Variants in SYT9 observed in about 807,000 individuals in gnomAD.
The protein encoded by SYT9 is synaptotagmin-9.
In SYT9, 22 loss-of-function variants were observed where a neutral mutation model predicts 48.4. The observed-to-expected ratio is 0.45, with a 90% CI of 0.32 to 0.65. The LOEUF (loss-of-function observed/expected upper bound fraction) is 0.65. SYT9 is among the 30% of genes least tolerant of loss of function. The pLI is 0.03. For synonymous variants in SYT9, 265 were observed against 245.0 expected (o/e 1.08, Z -0.76); for missense variants, 577 against 622.0 (o/e 0.93, Z 0.77).
At chr11:7,359,130 T>A (rs1395987778) in intron 3 of SYT9, among the ~76,000 whole-genome samples, 3 of 142,632 alleles carry the variant, frequency 2.1e-5, no homozygotes, top group Non-Finnish European at 4.6e-5. Context: ...GATAGTTTAC[T>A]GAGAATGATG....
At position 7,309,055 on chromosome 11, in the gene SYT9, A is replaced by G. The variant is rs190054639; in HGVS notation, c.498-4340A>G. On this transcript the variant is annotated intron_variant, in intron 2 of 6. Coordinates refer to ENST00000318881, the MANE Select transcript of SYT9 (RefSeq NM_175733.4). ...TTTTTGAGTTTGTTTTGGGAAATCT[A>G]CTTTGCACATTTTGTTAATTATCTT... 1.2e-3 allele frequency among the ~76,000 whole-genome samples: 178 copies of G among 152,284 alleles called. 1 individual carries two copies. Among genetic ancestry groups the G allele is most frequent in the Non-Finnish European group, 2.1e-3 (143 of 68,026 alleles).
rs1467096081 is a variant in SYT9 at position 7,407,727 on chromosome 11, T to C, written c.1045-8315T>C. On this transcript the variant is annotated intron_variant, in intron 3 of 6. Coordinates refer to ENST00000318881, the MANE Select transcript of SYT9 (RefSeq NM_175733.4). ...GTTTATTTTTGTACATGAGAAGCCA[T>C]AGGTATCCAGTTTCCTTTTTCTGTA... Among the ~76,000 whole-genome samples, 3 of 152,232 alleles carry C rather than the reference T, an allele frequency of 2.0e-5. No homozygotes were observed. In the East Asian group the frequency reaches 5.8e-4, roughly 29 times the overall value.
At chr11:7,254,340 G>A (rs1847927827) in intron 1 of SYT9, among the ~76,000 whole-genome samples, 1 of 152,102 alleles carries the variant, frequency 6.6e-6, no homozygotes, top group Non-Finnish European at 1.5e-5. Flanking sequence ...TCGAGTGCAA[G>A]GTGAGAGGAA....
At chr11:7,340,201 C>A (rs1021837850) in intron 3 of SYT9, among the ~76,000 whole-genome samples, 1 of 152,164 alleles carries the variant, frequency 6.6e-6, no homozygotes, top group African/African-American at 2.4e-5. Flanking sequence ...TGTTTTGCAG[C>A]TCTATCAGGT....
intron 1 of SYT9, among the ~76,000 whole-genome samples, chr11:7,289,207 C>T (rs1455929518): frequency 6.6e-6 from 1 of 152,198 alleles, no homozygotes; most frequent in Non-Finnish European, 1.5e-5. Flanking sequence ...TCCTGTTCTT[C>T]CATATGTACC....
At chr11:7,274,342 G>C (rs1848348731) in intron 1 of SYT9, among the ~76,000 whole-genome samples, 2 of 129,112 alleles carry the variant, frequency 1.5e-5, no homozygotes, top group South Asian at 4.9e-4. Flanking sequence ...TTTTTTGACA[G>C]AGTCTTACTC....
At chr11:7,324,612 A>T (rs574233640) in intron 3 of SYT9, among the ~76,000 whole-genome samples, 2 of 152,036 alleles carry the variant, frequency 1.3e-5, no homozygotes, top group South Asian at 4.2e-4. Context: ...ATTTTTATCT[A>T]AGCATCTTCT....
At chr11:7,395,176 T>A (rs1215857696) in intron 3 of SYT9, among the ~76,000 whole-genome samples, 1 of 152,114 alleles carries the variant, frequency 6.6e-6, no homozygotes, top group Non-Finnish European at 1.5e-5. Flanking sequence ...CCTCCCACTA[T>A]TTTCCCCATT....
chr11:7,306,973 T>G (rs1195564681), intron 2 of SYT9, among the ~76,000 whole-genome samples: 1 of 152,194 alleles, frequency 6.6e-6, no homozygotes, highest in African/African-American at 2.4e-5. Flanking sequence ...TTGGTCAATA[T>G]CAGGCCACTT....
chr11:7,341,537 A>G (rs1464872021), intron 3 of SYT9, among the ~76,000 whole-genome samples: 1 of 151,936 alleles, frequency 6.6e-6, no homozygotes, highest in Non-Finnish European at 1.5e-5. Context: ...CTCCTCTTTC[A>G]CCTTCTGCCA....
chr11:7,439,826 G>C (rs1198275735), intron 6 of SYT9: 6 of 152,166 alleles, frequency 3.9e-5, no homozygotes, highest in African/African-American at 4.8e-5. Context: ...AAAATGTCCT[G>C]GCCACAGGTG....
At chr11:7,417,541 A>G (rs1312508140) in intron 4 of SYT9, among the ~76,000 whole-genome samples, 1 of 152,168 alleles carries the variant, frequency 6.6e-6, no homozygotes, top group South Asian at 2.1e-4. Context: ...TCAGAAATTC[A>G]GAGTCTAGGA....
chr11:7,239,760 G>T lies in SYT9; in HGVS notation c.49+844G>T, dbSNP rs1054558294. ...AGCAACAAGATTTGCTGGTGGATTG[G>T]ATTAGGAGGGAGAAGGGAAAAAACA... On this transcript the variant is annotated intron_variant and NMD_transcript_variant, in intron 1 of 8. Transcript: ENST00000524820. 2.0e-5 allele frequency among the ~76,000 whole-genome samples: 3 copies of T among 152,270 alleles called. No homozygotes were observed. In the South Asian group the frequency reaches 6.2e-4, roughly 32 times the overall value.
chr11:7,370,530 C>T (rs1287750242), intron 3 of SYT9, among the ~76,000 whole-genome samples: 2 of 151,998 alleles, frequency 1.3e-5, no homozygotes, highest in Non-Finnish European at 1.5e-5. Context: ...TTGGAAAATT[C>T]GGTGAGCATA....
At chr11:7,417,105 C>T (rs1354807023) in intron 4 of SYT9, among the ~76,000 whole-genome samples, 1 of 152,028 alleles carries the variant, frequency 6.6e-6, no homozygotes, top group Non-Finnish European at 1.5e-5. Flanking sequence ...CCCTGGCTTA[C>T]ATCCTCTGAA....
At chr11:7,401,809 T>C (rs1846898900) in intron 3 of SYT9, among the ~76,000 whole-genome samples, 1 of 151,940 alleles carries the variant, frequency 6.6e-6, no homozygotes, top group South Asian at 2.1e-4. Context: ...GTTGTTTTTA[T>C]TGATTTTTCT....
At chr11:7,380,176 G>A (rs747014606) in intron 3 of SYT9, among the ~76,000 whole-genome samples, 3 of 152,074 alleles carry the variant, frequency 2.0e-5, no homozygotes, top group Non-Finnish European at 4.4e-5. Context: ...TATGTTCAGT[G>A]AATTAAGCCA....
chr11:7,422,276 A>T (rs1376654627), intron 6 of SYT9, among the ~76,000 whole-genome samples: 1 of 152,204 alleles, frequency 6.6e-6, no homozygotes, highest in East Asian at 1.9e-4. Context: ...AAGGCAGGAC[A>T]GGGTTTATGG....
chr11:7,276,892 G>GA (rs557050903), intron 1 of SYT9, among the ~76,000 whole-genome samples: 6,451 of 141,048 alleles, frequency 0.046, 402 homozygotes, highest in African/African-American at 0.14. Context: ...CTAAAAATAC[G>GA]AAAAAAAAAA....
Sources: allele counts gnomAD v4.1 joint callset (sites outside exome capture counted in the v4.1 genomes callset), GRCh38; gene constraint gnomAD v4.1.1; transcripts MANE v1.5; gene names NCBI Gene and HGNC (gene_info 2026-07-23, HGNC 2026-07-21).